Variants in DENND2C observed in about 807,000 individuals in gnomAD.
DENND2C encodes DENN domain containing 2C.
In DENND2C, 72 loss-of-function variants were observed where a neutral mutation model predicts 112.4. The ratio of observed to expected loss-of-function variants is 0.64; its 90% CI spans 0.53 to 0.78. DENND2C has a LOEUF of 0.78. Ranked by LOEUF, DENND2C falls within the 30% of genes least tolerant of loss-of-function variation. The pLI is 0.00. For synonymous variants in DENND2C, 329 were observed against 381.6 expected (o/e 0.86, Z 1.61); for missense variants, 992 against 1,113.8 (o/e 0.89, Z 1.56).
At chr1:114,625,151 A>C (rs1014713086) in intron 4 of DENND2C, 28 bp downstream of exon 4, 2 of 1,549,384 alleles carry the variant, frequency 1.3e-6, no homozygotes, top group African/African-American at 2.8e-5. Context: ...AATACCTACA[A>C]GTCTTTATCT....
At chr1:114,610,973 C>CT in intron 9 of DENND2C, 100 bp downstream of exon 9, 2 of 1,381,842 alleles carry the variant, frequency 1.4e-6, no homozygotes, top group Non-Finnish European at 1.0e-6. Flanking sequence ...CAAAATGGAA[C>CT]TTCATGTGGG....
rs745817583 is a variant in DENND2C at position 114,608,666 on chromosome 1, C to T, written c.1557+20G>A. The T allele has an allele frequency of 6.2e-7, 1 of 1,611,044 alleles. No homozygotes were observed. Among genetic ancestry groups the T allele is most frequent in the Non-Finnish European group, 8.5e-7 (1 of 1,178,422 alleles). On this transcript the variant is annotated intron_variant, in intron 10 of 20. Transcript: ENST00000393274. Reference sequence around the variant, plus strand: ...GACACAGGAACATTCCTGAATGCCTCTTGGCCTCCTTGTGCCTACCTTGCC... The same window carrying T: ...GACACAGGAACATTCCTGAATGCCTTTTGGCCTCCTTGTGCCTACCTTGCC...
chr1:114,625,274 G>C lies in DENND2C; in HGVS notation c.711C>G (p.Tyr237Ter), dbSNP rs1169181395. 6.2e-7 allele frequency: 1 copy of C among 1,614,030 alleles called. No individual in the cohort carries two copies. ...ATTGTGCACAAGAGTTATTTTCACA[G>C]TATTTTTTGTCACAGTTTCTTTCTT... ...PYKERNCDKK[Y>*]CENNSCAQSS... Residue 237 changes from tyrosine (Y) to a stop codon, truncating the protein, a stop_gained, in exon 4 of 21, where the codon TAC (tyrosine) becomes TAG (stop). Transcript: ENST00000393274. LOFTEE classifies it high-confidence loss of function.
rs1390190073 is a variant in DENND2C at position 114,664,775 on chromosome 1, G to C, written c.-574+5208C>G. On this transcript the variant is annotated intron_variant, in intron 1 of 20. Coordinates refer to ENST00000393274, the MANE Select transcript of DENND2C (RefSeq NM_001256404.2). ...TTACAGGTGTGAGCCACTGTGCCTG[G>C]GCAAAAAAAATTGTTTTTTAATTAG... Among the ~76,000 whole-genome samples, 3 of 150,598 alleles carry C rather than the reference G, an allele frequency of 2.0e-5. No individual in the cohort carries two copies. In the South Asian group the frequency reaches 6.3e-4, roughly 32 times the overall value.
intron 16 of DENND2C, among the ~76,000 whole-genome samples, chr1:114,598,977 C>G (rs978800273): frequency 2.0e-5 from 3 of 152,140 alleles, no homozygotes; most frequent in Non-Finnish European, 4.4e-5. Context: ...GCCACCATGC[C>G]CGGCCTTGAA....
chr1:114,664,615 G>A (rs1289216577), intron 1 of DENND2C, among the ~76,000 whole-genome samples: 1 of 151,728 alleles, frequency 6.6e-6, no homozygotes, highest in Non-Finnish European at 1.5e-5. Context: ...AAGGAGCTGG[G>A]ACTACAGACA....
intron 7 of DENND2C, among the ~76,000 whole-genome samples, chr1:114,619,084 C>T (rs897550302): frequency 2.6e-5 from 4 of 152,052 alleles, no homozygotes; most frequent in Non-Finnish European, 5.9e-5. Flanking sequence ...AAGTAAAATC[C>T]AGACTATTTA....
At chr1:114,647,108 G>A (rs1443290871) in intron 2 of DENND2C, among the ~76,000 whole-genome samples, 1 of 151,456 alleles carries the variant, frequency 6.6e-6, no homozygotes, top group African/African-American at 2.4e-5. Context: ...GTTGCAGTGG[G>A]CCAAGATTGC....
intron 20 of DENND2C, among the ~76,000 whole-genome samples, chr1:114,586,359 A>G (rs992111812): frequency 1.3e-5 from 2 of 152,222 alleles, no homozygotes; most frequent in Non-Finnish European, 2.9e-5. Flanking sequence ...ATTTATTTAT[A>G]TGCTGTAAAT....
intron 11 of DENND2C, among the ~76,000 whole-genome samples, chr1:114,602,922 T>C (rs1004002880): frequency 1.3e-5 from 2 of 152,212 alleles, no homozygotes; most frequent in Non-Finnish European, 2.9e-5. Flanking sequence ...CTACAAAGAC[T>C]TTTGATACGT....
At chr1:114,602,044 A>G (rs1655526057) in intron 12 of DENND2C, 81 bp downstream of exon 12, 3 of 1,339,938 alleles carry the variant, frequency 2.2e-6, no homozygotes, top group Non-Finnish European at 2.1e-6. Flanking sequence ...AAACTCATCT[A>G]GAGATAGTGT....
At chr1:114,669,231 C>T (rs965482755) in intron 1 of DENND2C, among the ~76,000 whole-genome samples, 1 of 152,196 alleles carries the variant, frequency 6.6e-6, no homozygotes, top group Non-Finnish European at 1.5e-5. Flanking sequence ...GTTCAAATAT[C>T]TGACATTTGT....
intron 4 of DENND2C, among the ~76,000 whole-genome samples, chr1:114,623,893 T>C (rs907308772): frequency 2.6e-5 from 4 of 152,226 alleles, no homozygotes; most frequent in East Asian, 1.9e-4. Flanking sequence ...CGTGCCACCA[T>C]GCTCAGCTCT....
intron 8 of DENND2C, among the ~76,000 whole-genome samples, chr1:114,614,013 G>A (rs1323737815): frequency 1.3e-5 from 2 of 151,992 alleles, no homozygotes; most frequent in African/African-American, 2.4e-5. Context: ...CAGAAGGATC[G>A]CTTGAGCCCA....
rs1192376555 is a variant in DENND2C, at chr1:114,623,495, G to T, written c.943+12C>A. On this transcript the variant is annotated intron_variant, in intron 5 of 20. Coordinates refer to ENST00000393274, the MANE Select transcript of DENND2C (RefSeq NM_001256404.2). ...AATCACTAAATTTAACTGCAAAGTT[G>T]TCAACACCTACATATGATATCTTCA... 6.3e-7 allele frequency: 1 copy of T among 1,597,328 alleles called. No homozygotes were observed. Among genetic ancestry groups the T allele is most frequent in the South Asian group, 1.1e-5 (1 of 87,876 alleles).
rs2101653684 is a variant in DENND2C, at chr1:114,608,825, G to T, written c.1418C>A (p.Pro473His). Residue 473 changes from proline to histidine, a missense_variant, in exon 10 of 21, where the codon CCT (proline) becomes CAT (histidine). Physicochemically the swap from Pro to His is moderately conservative, Grantham distance 77. Transcript: ENST00000393274. ...ATCCCGCTCCAAGGTCTGGTAGTGAGGATTCCTCTTGGAAGACGGTTGCAG... is the reference window on the plus strand; with the variant it reads ...ATCCCGCTCCAAGGTCTGGTAGTGATGATTCCTCTTGGAAGACGGTTGCAG... ...AQLQPSSKRN[P>H]HYQTLERDLI... The T allele has an allele frequency of 1.2e-6, 2 of 1,614,196 alleles. No homozygotes were observed. Among genetic ancestry groups the T allele is most frequent in the East Asian group, 4.5e-5 (2 of 44,880 alleles).
intron 18 of DENND2C, among the ~76,000 whole-genome samples, chr1:114,592,955 T>TA (rs1210008070): frequency 6.6e-6 from 1 of 152,174 alleles, no homozygotes; most frequent in Non-Finnish European, 1.5e-5. Context: ...AGTATTCTCT[T>TA]TGCTCAACTT....
chr1:114,631,270 G>A (rs930730402), intron 3 of DENND2C, among the ~76,000 whole-genome samples: 6 of 152,040 alleles, frequency 3.9e-5, no homozygotes, highest in African/African-American at 1.4e-4. Flanking sequence ...CAGCTACTGG[G>A]GTGGCTGAGG....
intron 3 of DENND2C, among the ~76,000 whole-genome samples, chr1:114,640,044 A>G (rs1656780596): frequency 6.6e-6 from 1 of 152,196 alleles, no homozygotes; most frequent in Admixed American, 6.5e-5. Context: ...TTGTAGCAAA[A>G]GCTGGGAGAA....
Sources: gnomAD v4.1 joint callset for allele counts (sites outside exome capture counted in the v4.1 genomes callset) on GRCh38, gnomAD v4.1.1 for gene constraint, MANE v1.5 for transcripts, NCBI Gene and HGNC (gene_info 2026-07-23, HGNC 2026-07-21) for gene names.